Variants in CEP128 observed in about 807,000 individuals in gnomAD.
CEP128 encodes the protein centrosomal protein 128kDa.
CEP128 carries 132 observed loss-of-function variants against 156.7 expected under a neutral mutation model. That is an observed-to-expected ratio of 0.84 (90% CI 0.73 to 0.97). The LOEUF is 0.97. CEP128 is among the 50% of genes least tolerant of loss of function. The pLI is 0.00. For missense variants in CEP128, 1,252 were observed against 1,281.9 expected (o/e 0.98, Z 0.36); for synonymous variants, 469 against 448.9 (o/e 1.04, Z -0.57).
chr14:80,761,451 C>T lies in CEP128; in HGVS notation c.2539G>A (p.Val847Met). Reference sequence around the variant, plus strand: ...TTCATAATTACTTTTAATTTCTCCACTGAGTCCTTGGAGAATGTTTTACAA... The same window carrying T: ...TTCATAATTACTTTTAATTTCTCCATTGAGTCCTTGGAGAATGTTTTACAA... Reference protein sequence around the residue: ...AACKTFSKDSVEKLKVFSSGP... With the variant: ...AACKTFSKDSMEKLKVFSSGP... The change falls in exon 17 of 25, where the codon GTG becomes ATG. Residue 847 changes from valine (V) to methionine (M), a missense_variant. Val to Met is a conservative substitution (Grantham distance 21). Coordinates refer to ENST00000555265, the MANE Select transcript of CEP128 (RefSeq NM_152446.5). 1 of 1,602,734 alleles carries T rather than the reference C, an allele frequency of 6.2e-7. No homozygotes were observed. Among genetic ancestry groups the T allele is most frequent in the East Asian group, 2.2e-5 (1 of 44,768 alleles).
intron 19 of CEP128, among the ~76,000 whole-genome samples, chr14:80,602,256 C>A (rs531187129): frequency 6.6e-6 from 1 of 152,084 alleles, no homozygotes; most frequent in African/African-American, 2.4e-5. Context: ...TGTAACAATA[C>A]CCCACCTTCA....
chr14:80,826,116 A>AG (rs1337091734), intron 13 of CEP128, among the ~76,000 whole-genome samples: 9 of 151,656 alleles, frequency 5.9e-5, no homozygotes, highest in Non-Finnish European at 1.0e-4. Context: ...AAAAAAAAAA[A>AG]AAAAAAAAAA....
chr14:80,721,389 A>T (rs1897811249), intron 19 of CEP128, among the ~76,000 whole-genome samples: 1 of 152,188 alleles, frequency 6.6e-6, no homozygotes. Flanking sequence ...GCCACATATG[A>T]CTATTAAACA....
At chr14:80,709,711 T>C (rs1595261064) in intron 19 of CEP128, among the ~76,000 whole-genome samples, 1 of 152,222 alleles carries the variant, frequency 6.6e-6, no homozygotes, top group African/African-American at 2.4e-5. Flanking sequence ...TATACTTCTA[T>C]ATCTTTCACA....
intron 13 of CEP128, among the ~76,000 whole-genome samples, chr14:80,802,841 T>C (rs1033419707): frequency 1.3e-5 from 2 of 152,166 alleles, no homozygotes; most frequent in African/African-American, 2.4e-5. Context: ...TTAAATATTA[T>C]GGCAACATTA....
intron 13 of CEP128, among the ~76,000 whole-genome samples, chr14:80,808,590 C>G (rs975954951): frequency 1.3e-5 from 2 of 152,084 alleles, no homozygotes; most frequent in Non-Finnish European, 2.9e-5. Flanking sequence ...TATGAAGACC[C>G]AAAATCTGCC....
chr14:80,660,839 C>G (rs1301473252), intron 19 of CEP128, among the ~76,000 whole-genome samples: 3 of 152,188 alleles, frequency 2.0e-5, no homozygotes, highest in African/African-American at 7.2e-5. Context: ...TCAGCACATT[C>G]TTCCTACACA....
At chr14:80,781,368 A>T (rs961450447) in intron 15 of CEP128, among the ~76,000 whole-genome samples, 1 of 151,388 alleles carries the variant, frequency 6.6e-6, no homozygotes, top group Non-Finnish European at 1.5e-5. Context: ...GAGGCAGGAG[A>T]ATTGCTTGAA....
chr14:80,799,078 T>A (rs1397161936), intron 13 of CEP128, among the ~76,000 whole-genome samples: 1 of 152,142 alleles, frequency 6.6e-6, no homozygotes, highest in South Asian at 2.1e-4. Context: ...CAGTGGCATA[T>A]CATGGAAACA....
intron 23 of CEP128, among the ~76,000 whole-genome samples, chr14:80,511,554 T>A: frequency 6.6e-6 from 1 of 151,982 alleles, no homozygotes; most frequent in Admixed American, 6.6e-5. Context: ...CAACTTTTTG[T>A]TTAGTTGATA....
chr14:80,666,038 CA>C (rs1293699673), intron 19 of CEP128, among the ~76,000 whole-genome samples: 1 of 152,044 alleles, frequency 6.6e-6, no homozygotes, highest in Non-Finnish European at 1.5e-5. Flanking sequence ...ATTGCAAAGT[CA>C]AAGAGTTATT....
chr14:80,804,595 TA>T (rs1202607130), intron 13 of CEP128, among the ~76,000 whole-genome samples: 1 of 152,124 alleles, frequency 6.6e-6, no homozygotes, highest in East Asian at 1.9e-4. Flanking sequence ...ACGCTGCATC[TA>T]AATGGGATAC....
intron 9 of CEP128, among the ~76,000 whole-genome samples, chr14:80,859,581 A>G (rs916984053): frequency 6.6e-6 from 1 of 152,132 alleles, no homozygotes; most frequent in Non-Finnish European, 1.5e-5. Context: ...AAAAAAAGAA[A>G]GAAAATCTGG....
intron 21 of CEP128, among the ~76,000 whole-genome samples, chr14:80,533,589 T>C (rs937406134): frequency 6.6e-6 from 1 of 152,206 alleles, no homozygotes; most frequent in South Asian, 2.1e-4. Context: ...CAAACGGCTA[T>C]GTTTTTGTGA....
At chr14:80,559,499 C>A (rs1183419888) in intron 20 of CEP128, among the ~76,000 whole-genome samples, 197 bp from the exon 21 acceptor site, 1 of 152,098 alleles carries the variant, frequency 6.6e-6, no homozygotes, top group African/African-American at 2.4e-5. Flanking sequence ...TTTTTCATCT[C>A]ATTTAGTGCT....
At chr14:80,759,882 G>A (rs901296788) in intron 17 of CEP128, among the ~76,000 whole-genome samples, 1 of 148,376 alleles carries the variant, frequency 6.7e-6, no homozygotes, top group Admixed American at 6.9e-5. Flanking sequence ...GTATATATAT[G>A]CACATATGTG....
At chr14:80,788,036 G>A (rs1887526724) in intron 14 of CEP128, among the ~76,000 whole-genome samples, 2 of 152,138 alleles carry the variant, frequency 1.3e-5, no homozygotes. Context: ...CACAGACCAT[G>A]TGAGTCAAGT....
At chr14:80,901,927 T>C (rs943583844) in intron 6 of CEP128, among the ~76,000 whole-genome samples, 2 of 152,224 alleles carry the variant, frequency 1.3e-5, no homozygotes. Flanking sequence ...TACACGGCTC[T>C]ACATAATCTC....
intron 8 of CEP128, among the ~76,000 whole-genome samples, chr14:80,886,177 G>A (rs1888789209): frequency 6.6e-6 from 1 of 152,110 alleles, no homozygotes; most frequent in African/African-American, 2.4e-5. Flanking sequence ...AAGTGATGGG[G>A]AGAATGAAAC....
Sources: allele counts gnomAD v4.1 joint callset (sites outside exome capture counted in the v4.1 genomes callset), GRCh38; gene constraint gnomAD v4.1.1; transcripts MANE v1.5; gene names NCBI Gene and HGNC (gene_info 2026-07-23, HGNC 2026-07-21).